EFCAB5: variants seen among roughly 807,000 people sequenced by gnomAD.
EFCAB5 encodes the protein EF-hand calcium-binding domain-containing protein 5.
A neutral mutation model predicts 167.9 loss-of-function variants in EFCAB5; 131 were observed. The observed-to-expected ratio is 0.78, with a 90% confidence interval of 0.68 to 0.90. EFCAB5 has a LOEUF of 0.90. EFCAB5 is among the 40% of genes least tolerant of loss of function. The pLI is 0.00. For missense variants in EFCAB5, 1,663 were observed against 1,745.2 expected (o/e 0.95, Z 0.84); for synonymous variants, 574 against 602.8 (o/e 0.95, Z 0.70).
At chr17:30,028,793 T>C (rs1398027295) in intron 7 of EFCAB5, among the ~76,000 whole-genome samples, 2 of 152,220 alleles carry the variant, frequency 1.3e-5, no homozygotes, top group African/African-American at 4.8e-5. Flanking sequence ...GCCTCTCTCA[T>C]TGGCTTGTAG....
chr17:30,054,184 GT>G, intron 10 of EFCAB5, 36 bp downstream of exon 10: 2 of 1,477,648 alleles, frequency 1.4e-6, no homozygotes, highest in Non-Finnish European at 1.8e-6. Context: ...TCAGTTCCCT[GT>G]TTTGTGGAAT....
intron 6 of EFCAB5, 53 bp downstream of exon 6, chr17:29,996,413 G>A (rs2151643820): frequency 7.0e-7 from 1 of 1,425,746 alleles, no homozygotes; most frequent in Non-Finnish European, 9.6e-7. Context: ...TTTTGGGTGG[G>A]GGACACTGAA....
At position 29,999,938 on chromosome 17, in the gene EFCAB5, TC is replaced by T. The variant is rs1196316039; in HGVS notation, c.1007del (p.Ser336Ter). On this transcript the variant is annotated frameshift_variant, in exon 7 of 23. Coordinates refer to ENST00000394835, the MANE Select transcript of EFCAB5 (RefSeq NM_198529.4). LOFTEE classifies it high-confidence loss of function. ...SHCKQLDITD[S>X]TEPRLNKMEF... ...CTGCAAACAACTGGATATTACTGAC[TC>T]AACAGAACCAAGATTGAACAAAATG... is the stretch of plus-strand genomic sequence containing the variant. 6.3e-7 allele frequency: 1 copy of T among 1,585,962 alleles called. No homozygotes were observed. Among genetic ancestry groups the T allele is most frequent in the Non-Finnish European group, 8.6e-7 (1 of 1,164,658 alleles).
rs1317422620 is a variant in EFCAB5, at chr17:30,036,187, A to G, written c.1200+1802A>G. ...TATATAATATAATATATGTATGTAT[A>G]AATATATCTTATAATATATATGTAT... On this transcript the variant is annotated intron_variant, in intron 8 of 22. Transcript: ENST00000394835. Among the ~76,000 whole-genome samples the G allele has an allele frequency of 2.8e-5, 4 of 141,292 alleles. No homozygotes were observed. The East Asian group carries it at 7.8e-4, about 28-fold the overall frequency. 92.7% of individuals were successfully genotyped at this position (141,292 alleles called of 152,430 possible).
At chr17:30,059,946 C>CT (rs2070381650) in intron 14 of EFCAB5, 1 of 225,892 alleles carries the variant, frequency 4.4e-6, no homozygotes, top group African/African-American at 2.3e-5. Context: ...CCTCAGCCTC[C>CT]TGAGCAGCTG....
intron 3 of EFCAB5, among the ~76,000 whole-genome samples, chr17:29,964,912 TCTTTTTTGAGACAGAGTCTCA>T (rs1428936609): frequency 3.3e-5 from 5 of 151,876 alleles, no homozygotes; most frequent in African/African-American, 9.7e-5. Context: ...TTTTTTTTTT[TCTTTTTTGAGACAGAGTCTCA>T]CTCTGTCGTC....
At chr17:30,057,947 T>G in intron 13 of EFCAB5, 57 bp downstream of exon 13, 1 of 1,484,116 alleles carries the variant, frequency 6.7e-7, no homozygotes. Context: ...AGTAAATCTC[T>G]CAACCTCAGT....
At chr17:29,992,927 T>G (rs112269395) in intron 4 of EFCAB5, among the ~76,000 whole-genome samples, 5 of 152,290 alleles carry the variant, frequency 3.3e-5, no homozygotes, top group African/African-American at 1.2e-4. Context: ...AGTCTAGTAT[T>G]TAGTTGGGTA....
At chr17:30,066,679 A>C (rs2070580406) in intron 14 of EFCAB5, among the ~76,000 whole-genome samples, 2 of 152,172 alleles carry the variant, frequency 1.3e-5, no homozygotes, top group African/African-American at 4.8e-5. Flanking sequence ...TCAAAGCACA[A>C]ATAAATACAA....
At chr17:30,075,404 A>T (rs969484877) in intron 14 of EFCAB5, among the ~76,000 whole-genome samples, 2 of 151,998 alleles carry the variant, frequency 1.3e-5, no homozygotes, top group African/African-American at 2.4e-5. Flanking sequence ...GCACATTTTC[A>T]TGTGGATTCC....
At chr17:29,985,297 TA>T (rs2068257621) in intron 4 of EFCAB5, among the ~76,000 whole-genome samples, 3 of 152,188 alleles carry the variant, frequency 2.0e-5, no homozygotes, top group Non-Finnish European at 4.4e-5. Flanking sequence ...AGCTGAGATA[TA>T]CCCCTAGACA....
rs200074833 is a variant in EFCAB5 at position 29,951,101 on chromosome 17, AC to A, written c.190+7455del. Reference sequence around the variant, plus strand: ...TAGAGTTGAAGGGAAGCATTATACTACCCTCTTTACTTTTCCCATATTGGAA... The same window carrying A: ...TAGAGTTGAAGGGAAGCATTATACTACCTCTTTACTTTTCCCATATTGGAA... On this transcript the variant is annotated intron_variant, in intron 3 of 22. Coordinates refer to ENST00000394835, the MANE Select transcript of EFCAB5 (RefSeq NM_198529.4). Among the ~76,000 whole-genome samples, 1,094 of 152,334 alleles carry A rather than the reference AC, an allele frequency of 7.2e-3. 15 individuals are homozygous for A. The highest frequency in any genetic ancestry group is 0.023 in the African/African-American group (937 of 41,574).
At chr17:30,072,701 C>G (rs2070771642) in intron 14 of EFCAB5, among the ~76,000 whole-genome samples, 1 of 152,134 alleles carries the variant, frequency 6.6e-6, no homozygotes. Context: ...ATCACAGAAG[C>G]AATGCTGTGT....
chr17:30,047,710 T>C (rs1466270106), intron 8 of EFCAB5, among the ~76,000 whole-genome samples: 2 of 152,194 alleles, frequency 1.3e-5, no homozygotes, highest in Non-Finnish European at 2.9e-5. Context: ...ACAGTTTCCT[T>C]AGGAATTAAA....
At position 30,087,260 on chromosome 17, in the gene EFCAB5, C is replaced by T. The variant is rs915929068; in HGVS notation, c.3683+94C>T. Reference sequence around the variant, plus strand: ...ACACAGCTTCTGACTCTTGCTCATACACGCTGACTTTTATTCTTTCTTTTT... The same window carrying T: ...ACACAGCTTCTGACTCTTGCTCATATACGCTGACTTTTATTCTTTCTTTTT... On this transcript the variant is annotated intron_variant, in intron 19 of 22. Coordinates refer to ENST00000394835, the MANE Select transcript of EFCAB5 (RefSeq NM_198529.4). The T allele has an allele frequency of 2.9e-5, 27 of 930,660 alleles. No individual in the cohort carries two copies. In the South Asian group the frequency reaches 3.7e-4, roughly 13 times the overall value. 57.7% of individuals were successfully genotyped at this position (930,660 alleles called of 1,614,324 possible).
intron 6 of EFCAB5, 61 bp from the exon 7 acceptor site, chr17:29,999,845 T>C (rs2068624330): frequency 8.1e-7 from 1 of 1,234,200 alleles, no homozygotes; most frequent in Non-Finnish European, 1.1e-6. Context: ...CACTATAGTA[T>C]AAATATCAAA....
At chr17:30,054,225 ATTTAAG>A in intron 10 of EFCAB5, 77 bp downstream of exon 10, 1 of 1,451,316 alleles carries the variant, frequency 6.9e-7, no homozygotes, top group East Asian at 2.5e-5. Flanking sequence ...GAAAACACTC[ATTTAAG>A]TTAGAATTTT....
At chr17:30,070,218 T>C (rs2070696328) in intron 14 of EFCAB5, among the ~76,000 whole-genome samples, 1 of 151,550 alleles carries the variant, frequency 6.6e-6, no homozygotes, top group Admixed American at 6.6e-5. Flanking sequence ...ATAAATACAA[T>C]TACAGCCCCT....
chr17:29,992,089 T>C (rs571356810), intron 4 of EFCAB5, among the ~76,000 whole-genome samples: 1 of 152,308 alleles, frequency 6.6e-6, no homozygotes, highest in East Asian at 1.9e-4. Context: ...AACTTATTCA[T>C]CTTGTCTAAA....
Sources: allele counts gnomAD v4.1 joint callset (sites outside exome capture counted in the v4.1 genomes callset), GRCh38; gene constraint gnomAD v4.1.1; transcripts MANE v1.5; gene names NCBI Gene and HGNC (gene_info 2026-07-23, HGNC 2026-07-21).